The following ASGR2 variants were observed in gnomAD, a reference collection of about 807,000 sequenced individuals.
ASGR2 encodes C-type lectin domain family 4 member H2.
A neutral mutation model predicts 32.3 loss-of-function variants in ASGR2; 34 were observed. The observed-to-expected ratio is 1.05, with a 90% CI of 0.80 to 1.40. ASGR2 has a LOEUF of 1.40. Among genes scored for constraint, ASGR2 ranks in the 40% most tolerant of loss-of-function variants. The pLI is 0.00. For missense variants in ASGR2, 385 were observed against 386.4 expected (o/e 1.00, Z 0.03); for synonymous variants, 143 against 150.0 (o/e 0.95, Z 0.34).
chr17:7,108,550 C>T lies in ASGR2; in HGVS notation c.249G>A (p.Gln83=), dbSNP rs759079743. The T allele has an allele frequency of 5.6e-6, 9 of 1,607,876 alleles. No homozygotes were observed. The highest frequency in any genetic ancestry group is 1.7e-4 in the Middle Eastern group (1 of 5,960). Residue 83 remains glutamine (Q), a synonymous_variant, in exon 4 of 9, where the codon CAG becomes CAA. Transcript: ENST00000691900. The surrounding 1 kb of genome is among the most constrained non-coding windows in gnomAD (Gnocchi z 4.9). ...VICVTGSQSA[Q]LQAELRSLKE... is the part of the protein sequence containing the mutation. ...TCAGGCTCCGCAGCTCGGCTTGCAG[C>T]TGTGCACCTTGTCAGGTGGTAGTGG... is the stretch of plus-strand genomic sequence containing the variant.
chr17:7,107,090 G>A lies in ASGR2; in HGVS notation c.558C>T (p.Phe186=), dbSNP rs754982057. The change falls in exon 7 of 9, where the codon TTC becomes TTT. Residue 186 remains phenylalanine, a synonymous_variant. Coordinates refer to ENST00000691900, the MANE Select transcript of ASGR2 (RefSeq NM_001201352.2). The surrounding 1 kb of genome is among the most constrained non-coding windows in gnomAD (Gnocchi z 5.0). The stretch of plus-strand genomic sequence containing the variant: ...CAGCCCAGGCCTTCCCGGAGTGAGA[G>A]AACCAGTAGCAGCTGCCTTGGTGCT... ...WVEHQGSCYW[F]SHSGKAWAEA... is the part of the protein sequence containing the mutation. 6.2e-7 allele frequency: 1 copy of A among 1,614,134 alleles called. No individual in the cohort carries two copies. Among genetic ancestry groups the A allele is most frequent in the Non-Finnish European group, 8.5e-7 (1 of 1,180,022 alleles).
rs552972800 is a variant in ASGR2 at position 7,110,169 on chromosome 17, A to G, written c.125-1281T>C. Among the ~76,000 whole-genome samples the G allele has an allele frequency of 2.6e-5, 4 of 152,004 alleles. No individual in the cohort carries two copies. The East Asian group carries it at 7.7e-4, about 29-fold the overall frequency. On this transcript the variant is annotated intron_variant, in intron 2 of 8. Coordinates refer to ENST00000691900, the MANE Select transcript of ASGR2 (RefSeq NM_001201352.2). The stretch of plus-strand genomic sequence containing the variant: ...TGTAAGTGACTGTCCATAACTCTTC[A>G]TCTTTTTCACACCAGTGACTTCCAC...
In ASGR2 at chr17:7,107,163, G is replaced by C. The variant is rs760109452; in HGVS notation, c.497-12C>G. On this transcript the variant is annotated splice_polypyrimidine_tract_variant and intron_variant, in intron 6 of 8. Coordinates refer to ENST00000691900, the MANE Select transcript of ASGR2 (RefSeq NM_001201352.2). This position sits in a 1 kb window ranked among gnomAD's most constrained non-coding sequence, Gnocchi z 5.0. Reference sequence around the variant, plus strand: ...GGTCCTTTGGGAGCCTGAGGGGACAGGGGGCAGGGAGATGAGATCCAGCCG... The same window carrying C: ...GGTCCTTTGGGAGCCTGAGGGGACACGGGGCAGGGAGATGAGATCCAGCCG... 2 of 1,614,196 alleles carry C rather than the reference G, an allele frequency of 1.2e-6. No individual in the cohort carries two copies. The highest frequency in any genetic ancestry group is 1.7e-6 in the Non-Finnish European group (2 of 1,180,020).
At chr17:7,106,726 A>AC (rs1913739521) in intron 7 of ASGR2, among the ~76,000 whole-genome samples, 1 of 151,670 alleles carries the variant, frequency 6.6e-6, no homozygotes, top group African/African-American at 2.4e-5. Context: ...AGACGGTGAA[A>AC]CCCCGTCTCT....
At chr17:7,102,322 C>T in intron 7 of ASGR2, 126 bp from the exon 8 acceptor site, 1 of 771,834 alleles carries the variant, frequency 1.3e-6, no homozygotes, top group East Asian at 2.5e-5. Context: ...GAAGCACCAG[C>T]TCCCGACAAG....
upstream of ASGR2, chr17:7,114,877 G>A: frequency 3.0e-6 from 3 of 986,178 alleles, no homozygotes; most frequent in Non-Finnish European, 3.6e-6. The surrounding 1 kb of genome is among the most constrained non-coding windows in gnomAD (Gnocchi z 4.5). Flanking sequence ...GCAGGGGACG[G>A]GGCTATCTCT....
At chr17:7,101,779 G>C in intron 8 of ASGR2, 39 bp from the exon 9 acceptor site, 1 of 1,598,970 alleles carries the variant, frequency 6.3e-7, no homozygotes. Context: ...TGCCACGGTG[G>C]TGAGAAAGCG....
rs1416898145 is a variant in ASGR2 at position 7,113,810 on chromosome 17, A to G, written c.124+307T>C. 6.6e-6 allele frequency among the ~76,000 whole-genome samples: 1 copy of G among 152,142 alleles called. No homozygotes were observed. Among genetic ancestry groups the G allele is most frequent in the Non-Finnish European group, 1.5e-5 (1 of 68,020 alleles). ...ACACACAACATTCACTCACACACACACACAGAGTCCCAGCTGAATCTGCAT... is the reference window on the plus strand; with the variant it reads ...ACACACAACATTCACTCACACACACGCACAGAGTCCCAGCTGAATCTGCAT... On this transcript the variant is annotated intron_variant, in intron 2 of 8. Transcript: ENST00000691900. This position sits in a 1 kb window ranked among gnomAD's most constrained non-coding sequence, Gnocchi z 5.1.
At position 7,114,005 on chromosome 17, in the gene ASGR2, G is replaced by C; in HGVS notation, c.124+112C>G. ...AGGTGAGGGAACAAGCGGGGGTGTC[G>C]GGCCCTCCTCAGTCCCTGTTCACAG... On this transcript the variant is annotated intron_variant, in intron 2 of 8. Transcript: ENST00000691900. This position sits in a 1 kb window ranked among gnomAD's most constrained non-coding sequence, Gnocchi z 4.5. The C allele has an allele frequency of 5.4e-6, 8 of 1,483,832 alleles. No individual in the cohort carries two copies. Among genetic ancestry groups the C allele is most frequent in the Non-Finnish European group, 7.3e-6 (8 of 1,099,364 alleles). 91.9% of individuals were successfully genotyped at this position (1,483,832 alleles called of 1,614,324 possible). A position where few individuals can be genotyped will look rare whatever the true frequency, so the allele number is the denominator to read the frequency against.
At chr17:7,110,920 G>C (rs1413489404) in intron 2 of ASGR2, among the ~76,000 whole-genome samples, 2 of 152,208 alleles carry the variant, frequency 1.3e-5, no homozygotes, top group Non-Finnish European at 2.9e-5. Context: ...TACAGGCCAG[G>C]AAAGGGAAGT....
chr17:7,111,564 G>A (rs896517003), intron 2 of ASGR2, among the ~76,000 whole-genome samples: 17 of 151,422 alleles, frequency 1.1e-4, no homozygotes, highest in Non-Finnish European at 2.4e-4. Flanking sequence ...GCTGAGGCAG[G>A]AGAATGGCAT....
At position 7,108,462 on chromosome 17, in the gene ASGR2, C is replaced by A; in HGVS notation, c.337G>T (p.Gly113Ter). 6.3e-7 allele frequency: 1 copy of A among 1,597,962 alleles called. No individual in the cohort carries two copies. Among genetic ancestry groups the A allele is most frequent in the Non-Finnish European group, 8.5e-7 (1 of 1,172,120 alleles). The change falls in exon 4 of 9, where the codon GGA (glycine) becomes TGA (stop). Residue 113 changes from glycine to a stop codon, truncating the protein, a stop_gained and splice_region_variant. Coordinates refer to ENST00000691900, the MANE Select transcript of ASGR2 (RefSeq NM_001201352.2). LOFTEE classifies it high-confidence loss of function. The surrounding 1 kb of genome is among the most constrained non-coding windows in gnomAD (Gnocchi z 4.9). ...LTEVQAISTH[G>*]GSVGDKITSL... ...AGAACCCAGCCGTCCAGCCCCTCAC[C>A]GTGGGTGCTGATTGCCTGGACCTCC...
In ASGR2 at chr17:7,113,202, G is replaced by A. The variant is rs1567773001; in HGVS notation, c.124+915C>T. ...TTTATTACAGAAGGATCCAGGGAAG[G>A]GTCTTGGGAGATGAGAGGAGCAGGG... On this transcript the variant is annotated intron_variant, in intron 2 of 8. Transcript: ENST00000691900. This position sits in a 1 kb window ranked among gnomAD's most constrained non-coding sequence, Gnocchi z 5.1. Among the ~76,000 whole-genome samples, 1 of 151,844 alleles carries A rather than the reference G, an allele frequency of 6.6e-6. No individual in the cohort carries two copies. The highest frequency in any genetic ancestry group is 1.5e-5 in the Non-Finnish European group (1 of 67,978).
At chr17:7,102,008 G>A (rs1912894559) in intron 8 of ASGR2, 82 bp downstream of exon 8, 3 of 1,377,442 alleles carry the variant, frequency 2.2e-6, no homozygotes, top group East Asian at 2.3e-5. Flanking sequence ...CCTGAGGGAC[G>A]AGTCAGGGTA....
intron 7 of ASGR2, 35 bp from the exon 8 acceptor site, chr17:7,102,231 C>G: frequency 1.3e-6 from 2 of 1,567,344 alleles, no homozygotes; most frequent in African/African-American, 1.4e-5. Flanking sequence ...TTTCTAGTCT[C>G]TTGTGCCTTT....
In ASGR2 at chr17:7,113,574, TAC is replaced by T. The variant is rs993612140; in HGVS notation, c.124+541_124+542del. 2.8e-5 allele frequency among the ~76,000 whole-genome samples: 4 copies of T among 141,912 alleles called. No homozygotes were observed. The highest frequency in any genetic ancestry group is 6.1e-5 in the Non-Finnish European group (4 of 65,700). 93.1% of individuals were successfully genotyped at this position (141,912 alleles called of 152,430 possible). On this transcript the variant is annotated intron_variant, in intron 2 of 8. Transcript: ENST00000691900. This position sits in a 1 kb window ranked among gnomAD's most constrained non-coding sequence, Gnocchi z 5.1. ...ACATACACACAACATACACACAACA[TAC>T]ACACACTCACATACACAACATACAC...
At position 7,107,402 on chromosome 17, in the gene ASGR2, C is replaced by T; in HGVS notation, c.410-85G>A. On this transcript the variant is annotated intron_variant, in intron 5 of 8. Transcript: ENST00000691900. The surrounding 1 kb of genome is among the most constrained non-coding windows in gnomAD (Gnocchi z 5.0). The stretch of plus-strand genomic sequence containing the variant: ...GCCTGTGGCTGGGGAAGCATATACA[C>T]CCACAGACACGTACACCATGCATAG... The T allele has an allele frequency of 2.9e-6, 4 of 1,385,310 alleles. No homozygotes were observed. The highest frequency in any genetic ancestry group is 4.0e-6 in the Non-Finnish European group (4 of 1,000,498). 85.8% of individuals were successfully genotyped at this position (1,385,310 alleles called of 1,614,324 possible).
At position 7,107,326 on chromosome 17, in the gene ASGR2, G is replaced by C; in HGVS notation, c.410-9C>G. 6.2e-7 allele frequency: 1 copy of C among 1,611,804 alleles called. No individual in the cohort carries two copies. The highest frequency in any genetic ancestry group is 8.5e-7 in the Non-Finnish European group (1 of 1,179,936). Reference sequence around the variant, plus strand: ...GAGCAGGGCATCGTGATCTAGGACAGACAGGCTGAAAGTGCTGCCGGCAGG... The same window carrying C: ...GAGCAGGGCATCGTGATCTAGGACACACAGGCTGAAAGTGCTGCCGGCAGG... On this transcript the variant is annotated splice_polypyrimidine_tract_variant and intron_variant, in intron 5 of 8. Coordinates refer to ENST00000691900, the MANE Select transcript of ASGR2 (RefSeq NM_001201352.2). This position sits in a 1 kb window ranked among gnomAD's most constrained non-coding sequence, Gnocchi z 5.0.
In ASGR2 at chr17:7,107,098, AGCAGCT is replaced by A. The variant is rs1913830607; in HGVS notation, c.544_549del (p.Ser182_Cys183del). ...GCCTTCCCGGAGTGAGAGAACCAGTAGCAGCTGCCTTGGTGCTCCACCCAGTTGACG... is the reference window on the plus strand; with the variant it reads ...GCCTTCCCGGAGTGAGAGAACCAGTAGCCTTGGTGCTCCACCCAGTTGACG... On this transcript the variant is annotated inframe_deletion, in exon 7 of 9. Coordinates refer to ENST00000691900, the MANE Select transcript of ASGR2 (RefSeq NM_001201352.2). This position sits in a 1 kb window ranked among gnomAD's most constrained non-coding sequence, Gnocchi z 5.0. The A allele has an allele frequency of 6.2e-7, 1 of 1,614,118 alleles. No homozygotes were observed. The highest frequency in any genetic ancestry group is 8.5e-7 in the Non-Finnish European group (1 of 1,180,008).
Sources: gnomAD v4.1 joint callset for allele counts (sites outside exome capture counted in the v4.1 genomes callset) on GRCh38, gnomAD v4.1.1 for gene constraint, Gnocchi (gnomAD v3.1) non-coding constraint, MANE v1.5 for transcripts, NCBI Gene and HGNC (gene_info 2026-07-23, HGNC 2026-07-21) for gene names.